Variants in CFAP46 observed in about 807,000 individuals in gnomAD.
The protein encoded by CFAP46 is cilia and flagella associated protein 46.
CFAP46 carries 245 observed loss-of-function variants against 325.7 expected under a neutral mutation model. That is an observed-to-expected ratio of 0.75 (90% CI 0.68 to 0.84). The LOEUF (loss-of-function observed/expected upper bound fraction) is 0.84, where lower values mean the gene tolerates loss of function less well. Ranked by LOEUF, CFAP46 falls within the 40% of genes least tolerant of loss-of-function variation. The probability of loss-of-function intolerance (pLI) is 0.00; values close to 1 mark genes in which losing one functional copy is unlikely to be tolerated. For missense variants in CFAP46, 3,346 were observed against 3,543.0 expected, an observed-to-expected ratio of 0.94 and a Z score of 1.41; for synonymous variants, 1,523 against 1,495.9, an observed-to-expected ratio of 1.02 and a Z score of -0.42.
At position 132,808,944 on chromosome 10, in the gene CFAP46, C is replaced by T. The variant is rs750014686; in HGVS notation, c.7665-40G>A. 37 of 1,524,098 alleles carry T rather than the reference C, an allele frequency of 2.4e-5. No individual in the cohort carries two copies. The highest frequency in any genetic ancestry group is 2.1e-4 in the Middle Eastern group (1 of 4,800). The allele number at this position is 1,524,098 out of a possible 1,614,324, so 94.4% of individuals were successfully genotyped here. ...GCGGGAGCTATGAACCCCGAGGCCC[C>T]GCAGGACGTCCAGCCCGGTGAGGAC... On this transcript the variant is annotated intron_variant, in intron 57 of 57. Transcript: ENST00000368586. This position sits in a 1 kb window ranked among gnomAD's most constrained non-coding sequence, Gnocchi z 6.8.
intron 7 of CFAP46, among the ~76,000 whole-genome samples, chr10:132,935,787 C>T (rs1176187368): frequency 1.9e-3 from 202 of 104,966 alleles, no homozygotes; most frequent in South Asian, 2.7e-3. Context: ...GATCTCCTCA[C>T]TCCCCTCACA....
Position 132,899,001 on chromosome 10 carries a change from C to T in CFAP46, c.3177G>A (p.Lys1059=), listed in dbSNP as rs1849356043. Residue 1059 remains lysine (K), a synonymous_variant, in exon 24 of 58, where the codon AAG becomes AAA. Coordinates refer to ENST00000368586, the MANE Select transcript of CFAP46 (RefSeq NM_001200049.3). ...VYRKKAKGAL[K]RLIGIINKTE... ...TCTTGTTGATGATGCCGATGAGCCT[C>T]TTCAGGGCACCCTTGGCCTTCTTCC... The T allele has an allele frequency of 6.4e-7, 1 of 1,550,614 alleles. No individual in the cohort carries two copies. The highest frequency in any genetic ancestry group is 8.7e-7 in the Non-Finnish European group (1 of 1,146,996).
rs545807483 is a variant in CFAP46, at chr10:132,830,960, A to C, written c.7117+2398T>G. Among the ~76,000 whole-genome samples the C allele has an allele frequency of 2.8e-4, 42 of 152,362 alleles. No homozygotes were observed. The South Asian group carries it at 4.8e-3, about 17-fold the overall frequency. Reference sequence around the variant, plus strand: ...TTGCGCTTCAGCAGCATCCACACATAATGATAAATTGTGCTTTTGTCTTCA... The same window carrying C: ...TTGCGCTTCAGCAGCATCCACACATCATGATAAATTGTGCTTTTGTCTTCA... On this transcript the variant is annotated intron_variant, in intron 50 of 57. Coordinates refer to ENST00000368586, the MANE Select transcript of CFAP46 (RefSeq NM_001200049.3).
chr10:132,868,278 C>T (rs1026644223), intron 33 of CFAP46, among the ~76,000 whole-genome samples: 6 of 152,318 alleles, frequency 3.9e-5, no homozygotes, highest in East Asian at 1.9e-4. Flanking sequence ...CTCCACAGCT[C>T]GTAAACAAAT....
chr10:132,896,797 C>T (rs189951615), intron 24 of CFAP46, among the ~76,000 whole-genome samples: 36 of 152,192 alleles, frequency 2.4e-4, no homozygotes, highest in African/African-American at 8.4e-4. Context: ...GCAAGGGGCC[C>T]CAGACAGCTA....
chr10:132,918,299 T>A, intron 16 of CFAP46, 94 bp downstream of exon 16: 1 of 736,010 alleles, frequency 1.4e-6, no homozygotes, highest in Non-Finnish European at 1.7e-6. Flanking sequence ...TCAGCACCGA[T>A]GAACGCCCCT....
At chr10:132,870,007 C>T (rs781663789) in intron 32 of CFAP46, among the ~76,000 whole-genome samples, 6 of 152,192 alleles carry the variant, frequency 3.9e-5, no homozygotes, top group Non-Finnish European at 8.8e-5. Flanking sequence ...AGTCCATCGG[C>T]GCCATTTTCC....
intron 33 of CFAP46, among the ~76,000 whole-genome samples, chr10:132,867,881 G>A (rs745472565): frequency 1.2e-4 from 19 of 152,194 alleles, no homozygotes; most frequent in Non-Finnish European, 1.6e-4. Context: ...TCCCCGCTCG[G>A]CCTTCCCACG....
intron 8 of CFAP46, among the ~76,000 whole-genome samples, chr10:132,931,981 C>G (rs1849915378): frequency 6.9e-6 from 1 of 145,794 alleles, no homozygotes; most frequent in Non-Finnish European, 1.5e-5. Flanking sequence ...TGTCGCCACA[C>G]AGAGCCTGGG....
intron 17 of CFAP46, 51 bp from the exon 18 acceptor site, chr10:132,913,309 G>A: frequency 1.5e-6 from 2 of 1,317,938 alleles, no homozygotes; most frequent in South Asian, 1.3e-5. Context: ...CAGCCCCGGG[G>A]CCAGGCACCA....
chr10:132,853,558 T>C (rs1848593725), intron 39 of CFAP46, among the ~76,000 whole-genome samples: 1 of 152,232 alleles, frequency 6.6e-6, no homozygotes, highest in Non-Finnish European at 1.5e-5. Flanking sequence ...TTCTCTCCTT[T>C]TCAAGTTTCT....
intron 50 of CFAP46, among the ~76,000 whole-genome samples, chr10:132,824,852 G>T (rs527890829): frequency 1.4e-5 from 2 of 138,580 alleles, no homozygotes; most frequent in South Asian, 4.8e-4. Flanking sequence ...GAGCGCTGAT[G>T]TGTGTGTGTG....
chr10:132,809,932 G>A (rs577068781), intron 57 of CFAP46, among the ~76,000 whole-genome samples: 1 of 152,212 alleles, frequency 6.6e-6, no homozygotes, highest in Non-Finnish European at 1.5e-5. Context: ...TTCCTCTTCC[G>A]GGAGGCCTCT....
intron 22 of CFAP46, among the ~76,000 whole-genome samples, chr10:132,900,807 T>C (rs1564794743): frequency 6.6e-6 from 1 of 152,268 alleles, no homozygotes; most frequent in Non-Finnish European, 1.5e-5. Context: ...TCCTTCCATC[T>C]GTAGCCTCAG....
Position 132,859,211 on chromosome 10 carries a change from T to G in CFAP46, c.5235A>C (p.Ser1745=). 6.5e-7 allele frequency: 1 copy of G among 1,550,164 alleles called. No individual in the cohort carries two copies. The highest frequency in any genetic ancestry group is 2.4e-5 in the East Asian group (1 of 40,904). Residue 1745 remains serine (S), a synonymous_variant, in exon 38 of 58, where the codon TCA becomes TCC. Coordinates refer to ENST00000368586, the MANE Select transcript of CFAP46 (RefSeq NM_001200049.3). ...AGCACTCTGTGGGTTCAGTGACCGC[T>G]GAGTGCTGCGCAACTCTGACCCGCA... ...LSLRVRVAQH[S]AVTEPTECSL... is the part of the protein sequence containing the mutation.
At chr10:132,842,064 A>G (rs1187624337) in intron 44 of CFAP46, among the ~76,000 whole-genome samples, 2 of 152,230 alleles carry the variant, frequency 1.3e-5, no homozygotes, top group Non-Finnish European at 2.9e-5. Flanking sequence ...TTACGTGGCC[A>G]GGCTAAGAGC....
rs769859951 is a variant in CFAP46 at position 132,919,166 on chromosome 10, A to C, written c.1858+149T>G. ...CGCCCCATGATTGGCGGTCCTGATA[A>C]TTAGTGGGAACTGCTACCATTGTGA... On this transcript the variant is annotated intron_variant, in intron 15 of 57. Transcript: ENST00000368586. This position sits in a 1 kb window ranked among gnomAD's most constrained non-coding sequence, Gnocchi z 9.7. The C allele has an allele frequency of 1.5e-5, 13 of 871,778 alleles. No homozygotes were observed. Among genetic ancestry groups the C allele is most frequent in the Non-Finnish European group, 2.1e-5 (13 of 613,804 alleles). 54.0% of individuals were successfully genotyped at this position (871,778 alleles called of 1,614,324 possible).
At chr10:132,916,996 A>G (rs143002004) in intron 16 of CFAP46, among the ~76,000 whole-genome samples, 3,495 of 152,306 alleles carry the variant, frequency 0.023, 46 homozygotes, top group Non-Finnish European at 0.037. Flanking sequence ...ACCGGCCAGC[A>G]TTTGCACCTC....
intron 50 of CFAP46, among the ~76,000 whole-genome samples, chr10:132,820,394 C>A (rs1188474131): frequency 6.6e-6 from 1 of 152,246 alleles, no homozygotes; most frequent in African/African-American, 2.4e-5. Flanking sequence ...CCTGGTGGTG[C>A]AGGATGAGGA....
Sources: allele counts gnomAD v4.1 joint callset (sites outside exome capture counted in the v4.1 genomes callset), GRCh38; gene constraint gnomAD v4.1.1; non-coding constraint Gnocchi (gnomAD v3.1); transcripts MANE v1.5; gene names NCBI Gene and HGNC (gene_info 2026-07-23, HGNC 2026-07-21).